SHOC1: variants seen among roughly 807,000 people sequenced by gnomAD.
SHOC1 encodes the protein protein shortage in chiasmata 1 ortholog.
A neutral mutation model predicts 179.2 loss-of-function variants in SHOC1; 136 were observed. The observed-to-expected ratio is 0.76, with a 90% CI of 0.66 to 0.87. The LOEUF is 0.87. Among genes scored for constraint, SHOC1 ranks in the 40% least tolerant of loss-of-function variants. The pLI, the probability that SHOC1 is intolerant of heterozygous loss-of-function variation, is 0.00. For missense variants in SHOC1, 1,538 were observed against 1,700.8 expected (o/e 0.90, Z 1.68); for synonymous variants, 489 against 586.6 (o/e 0.83, Z 2.41).
At position 111,775,808 on chromosome 9, in the gene SHOC1, AGT is replaced by A. The variant is rs777595871; in HGVS notation, c.423_424del (p.Leu142SerfsTer10). 3.7e-6 allele frequency: 6 copies of A among 1,605,714 alleles called. No homozygotes were observed. In the East Asian group the frequency reaches 1.3e-4, roughly 36 times the overall value. On this transcript the variant is annotated frameshift_variant, in exon 5 of 28. Coordinates refer to ENST00000682961, the MANE Select transcript of SHOC1 (RefSeq NM_001378211.1). LOFTEE classifies it high-confidence loss of function. ...CGTTTTACCTTGGTTCTGGTTTTGA[AGT>A]GCTGAACATTTTTCTAAACAACTGA...
intron 24 of SHOC1, 54 bp from the exon 25 acceptor site, chr9:111,694,416 A>G: frequency 3.0e-6 from 4 of 1,328,718 alleles, no homozygotes; most frequent in South Asian, 1.3e-5. Context: ...GCAAAATATA[A>G]TATTTTTTAA....
chr9:111,774,511 G>A (rs1299231913), intron 5 of SHOC1, among the ~76,000 whole-genome samples: 2 of 152,072 alleles, frequency 1.3e-5, no homozygotes, highest in East Asian at 3.9e-4. Context: ...TGTTGCCCAG[G>A]CTGGTCTCAA....
rs1834277176 is a variant in SHOC1, at chr9:111,746,306, G to T, written c.1007C>A (p.Thr336Lys). The change falls in exon 10 of 28, where the codon ACA (threonine) becomes AAA (lysine). Residue 336 changes from threonine to lysine, a missense_variant. By Grantham distance (78) the Thr-to-Lys change is moderately conservative. Coordinates refer to ENST00000682961, the MANE Select transcript of SHOC1 (RefSeq NM_001378211.1). ...LEMPLTPLFL[T>K]CQHSSVNSLR... ...TGAATTCACTGAAGAATGTTGGCAT[G>T]TTAGGAATAGAGGAGTTAGTGGCAT... 1 of 1,611,462 alleles carries T rather than the reference G, an allele frequency of 6.2e-7. No individual in the cohort carries two copies. The highest frequency in any genetic ancestry group is 8.5e-7 in the Non-Finnish European group (1 of 1,177,828).
intron 11 of SHOC1, among the ~76,000 whole-genome samples, chr9:111,739,883 G>A (rs1833958698): frequency 7.5e-6 from 1 of 133,118 alleles, no homozygotes. Context: ...TGAAGCACGA[G>A]TTGAAGTACA....
At chr9:111,714,679 C>A (rs570868061) in intron 16 of SHOC1, 56 bp from the exon 17 acceptor site, 8 of 1,455,466 alleles carry the variant, frequency 5.5e-6, no homozygotes, top group African/African-American at 1.4e-5. Flanking sequence ...TAAGAAACTC[C>A]GTGGTAAAAA....
chr9:111,716,451 C>T (rs191529193), intron 16 of SHOC1, among the ~76,000 whole-genome samples: 6 of 129,532 alleles, frequency 4.6e-5, no homozygotes, highest in African/African-American at 1.5e-4. Flanking sequence ...AGTGCAATGG[C>T]GCAATCTTGG....
chr9:111,755,141 A>G (rs1834798644), intron 8 of SHOC1, among the ~76,000 whole-genome samples: 1 of 152,184 alleles, frequency 6.6e-6, no homozygotes, highest in Non-Finnish European at 1.5e-5. Flanking sequence ...GAGTCAAGTG[A>G]AGGCTGGGAG....
At chr9:111,760,699 G>C (rs1433595528) in intron 5 of SHOC1, among the ~76,000 whole-genome samples, 1 of 150,712 alleles carries the variant, frequency 6.6e-6, no homozygotes, top group East Asian at 1.9e-4. Context: ...AACTATCAAG[G>C]ACTAAACATA....
In SHOC1 at chr9:111,706,653, T is replaced by C. The variant is rs769498470; in HGVS notation, c.2652A>G (p.Glu884=). Residue 884 remains glutamate, a synonymous_variant, in exon 20 of 28, where the codon GAA becomes GAG. Coordinates refer to ENST00000682961, the MANE Select transcript of SHOC1 (RefSeq NM_001378211.1). ...TGCAGTGTTTAGTCCAACAAGAGTC[T>C]TCCACATAATTGTATTCCACCACAA... is the stretch of plus-strand genomic sequence containing the variant. ...FSFVVEYNYV[E]DSCWTKHCKE... is the part of the protein sequence containing the mutation. 2 of 1,609,102 alleles carry C rather than the reference T, an allele frequency of 1.2e-6. No homozygotes were observed. The highest frequency in any genetic ancestry group is 3.4e-5 in the Admixed American group (2 of 59,676).
chr9:111,706,496 T>C (rs902076701), intron 20 of SHOC1, 72 bp downstream of exon 20: 20 of 1,170,848 alleles, frequency 1.7e-5, no homozygotes, highest in Non-Finnish European at 2.2e-5. Context: ...TTTTTATCTA[T>C]AAATCATAAA....
In SHOC1 at chr9:111,686,773, A is replaced by G. The variant is rs750831766; in HGVS notation, c.4524T>C (p.Phe1508=). 3.1e-6 allele frequency: 5 copies of G among 1,608,250 alleles called. No homozygotes were observed. The highest frequency in any genetic ancestry group is 4.3e-6 in the Non-Finnish European group (5 of 1,175,164). The change falls in exon 28 of 28, where the codon TTT becomes TTC. Residue 1508 remains phenylalanine (F), a synonymous_variant. Transcript: ENST00000682961. The part of the protein sequence containing the change: ...RVDGQTRLRF[F] ...GTAACATTGCTCTTCTCCTCCTTCAAAAAAACCTCAGCCGAGTCTGCCCAT... is the reference window on the plus strand; with the variant it reads ...GTAACATTGCTCTTCTCCTCCTTCAGAAAAACCTCAGCCGAGTCTGCCCAT...
chr9:111,753,610 T>A (rs1316338307), intron 8 of SHOC1, among the ~76,000 whole-genome samples: 1 of 152,176 alleles, frequency 6.6e-6, no homozygotes, highest in African/African-American at 2.4e-5. Flanking sequence ...TTATATACCA[T>A]GATCAAGTGA....
At chr9:111,741,420 G>C (rs1834030922) in intron 11 of SHOC1, 56 bp downstream of exon 11, 1 of 979,784 alleles carries the variant, frequency 1.0e-6, no homozygotes, top group South Asian at 1.4e-5. Flanking sequence ...ATTTCTACTC[G>C]TTGTACCTTT....
intron 8 of SHOC1, among the ~76,000 whole-genome samples, chr9:111,752,611 C>T (rs1834645036): frequency 6.6e-6 from 1 of 152,244 alleles, no homozygotes; most frequent in Middle Eastern, 3.4e-3. Context: ...TGGACACTAA[C>T]CATGAGATGA....
intron 12 of SHOC1, among the ~76,000 whole-genome samples, chr9:111,735,288 A>G (rs1833766982): frequency 6.6e-6 from 1 of 151,958 alleles, no homozygotes. Flanking sequence ...GCACCCATCA[A>G]CCCTTCATTT....
chr9:111,785,215 TGA>T (rs1316838146), intron 3 of SHOC1, among the ~76,000 whole-genome samples: 2 of 152,210 alleles, frequency 1.3e-5, no homozygotes, highest in African/African-American at 4.8e-5. Flanking sequence ...GTCCTCCTCC[TGA>T]GAGAGACATT....
At chr9:111,714,761 G>GAT (rs34608150) in intron 16 of SHOC1, 138 bp from the exon 17 acceptor site, 20,393 of 772,186 alleles carry the variant, frequency 0.026, 993 homozygotes, top group African/African-American at 0.17. Context: ...TTTGATCAAA[G>GAT]ACACTAATAA....
At position 111,781,004 on chromosome 9, in the gene SHOC1, T is replaced by G; in HGVS notation, c.183A>C (p.Ser61=). 3 of 1,612,556 alleles carry G rather than the reference T, an allele frequency of 1.9e-6. No homozygotes were observed. Among genetic ancestry groups the G allele is most frequent in the Non-Finnish European group, 2.5e-6 (3 of 1,178,952 alleles). ...CTGAGGTATCTGTCATTCCCGGAAC[T>G]GAAACAGCTGAGACTAGAAAGGATA... is the stretch of plus-strand genomic sequence containing the variant. ...RRPWTRVSAV[S]VPGMTDTSVL... The change falls in exon 4 of 28, where the codon TCA becomes TCC. Residue 61 remains serine, a synonymous_variant. Coordinates refer to ENST00000682961, the MANE Select transcript of SHOC1 (RefSeq NM_001378211.1).
At chr9:111,716,497 C>G (rs146659931) in intron 16 of SHOC1, among the ~76,000 whole-genome samples, 223 of 144,222 alleles carry the variant, frequency 1.5e-3, no homozygotes, top group African/African-American at 5.7e-3. Context: ...TTCAAGTGAT[C>G]CTTCTGCCTC....
Sources: allele counts gnomAD v4.1 joint callset (sites outside exome capture counted in the v4.1 genomes callset), GRCh38; gene constraint gnomAD v4.1.1; transcripts MANE v1.5; gene names NCBI Gene and HGNC (gene_info 2026-07-23, HGNC 2026-07-21).